Variants in CCNB3 observed in about 807,000 individuals in gnomAD.
The protein encoded by CCNB3 is G2/mitotic-specific cyclin-B3.
CCNB3 carries 12 observed loss-of-function variants against 68.0 expected under a neutral mutation model. The observed-to-expected ratio is 0.18, with a 90% confidence interval of 0.11 to 0.29. The LOEUF (loss-of-function observed/expected upper bound fraction) is 0.29. CCNB3 is among the 10% of genes least tolerant of loss of function. The pLI is 1.00. For missense variants in CCNB3, 904 were observed against 993.1 expected (o/e 0.91, Z 1.21); for synonymous variants, 354 against 388.9 (o/e 0.91, Z 1.06).
At chrX:50,279,740 G>C (rs1222954480) in intron 1 of CCNB3, among the ~76,000 whole-genome samples, 18 of 87,660 alleles carry the variant, frequency 2.1e-4, no homozygotes, top group African/African-American at 7.6e-4. Context: ...ATATGATTAT[G>C]TATATTCATA....
chrX:50,222,083 TGC>T (rs2146987401), intron 1 of CCNB3, among the ~76,000 whole-genome samples: 1 of 111,205 alleles, frequency 9.0e-6, no homozygotes, highest in South Asian at 3.9e-4. Flanking sequence ...AGACTAGGTT[TGC>T]AACCCCTGCT....
intron 7 of CCNB3, among the ~76,000 whole-genome samples, chrX:50,313,653 T>C (rs1921580733): frequency 1.8e-5 from 2 of 111,852 alleles, no homozygotes; most frequent in African/African-American, 6.5e-5. Context: ...TTCTTCAATA[T>C]CCACTCTGAC....
intron 8 of CCNB3, among the ~76,000 whole-genome samples, chrX:50,315,988 G>A (rs916264689): frequency 1.8e-5 from 2 of 111,040 alleles, no homozygotes; most frequent in African/African-American, 6.6e-5. Context: ...GATGTACCAC[G>A]GTAATATGGT....
In CCNB3 at chrX:50,294,934, G is replaced by T; in HGVS notation, c.276G>T (p.Lys92Asn). The T allele has an allele frequency of 8.3e-7, 1 of 1,209,611 alleles. No homozygotes were observed. The highest frequency in any genetic ancestry group is 1.1e-6 in the Non-Finnish European group (1 of 894,170). The change falls in exon 5 of 13, where the codon AAG becomes AAT. Residue 92 changes from lysine (K) to asparagine (N), a missense_variant. Coordinates refer to ENST00000376042, the MANE Select transcript of CCNB3 (RefSeq NM_033031.3). Reference protein sequence around the residue: ...NKEFVKVVSKKINRNTHALGL... With the variant: ...NKEFVKVVSKNINRNTHALGL... ...AGTTTGTAAAAGTTGTTTCCAAGAA[G>T]ATAAACAGGAACACACATGCTCTTG...
chrX:50,330,386 C>T (rs1922538044), intron 8 of CCNB3, among the ~76,000 whole-genome samples: 2 of 111,814 alleles, frequency 1.8e-5, no homozygotes, highest in African/African-American at 6.5e-5. Flanking sequence ...TTCACTTCTG[C>T]CTTTAACTCC....
At chrX:50,296,179 G>A (rs1447691916) in intron 5 of CCNB3, among the ~76,000 whole-genome samples, 1 of 107,295 alleles carries the variant, frequency 9.3e-6, no homozygotes, top group Non-Finnish European at 1.9e-5. Context: ...TGTGCACAAC[G>A]TGCAGGTTTG....
chrX:50,306,006 C>T (rs1921053676), intron 5 of CCNB3, among the ~76,000 whole-genome samples: 1 of 102,228 alleles, frequency 9.8e-6, no homozygotes, highest in Non-Finnish European at 2.0e-5. Context: ...AGGCTGGTCT[C>T]GAACTCCTGA....
intron 5 of CCNB3, among the ~76,000 whole-genome samples, chrX:50,303,613 AT>A (rs1288604652): frequency 1.8e-5 from 2 of 110,466 alleles, no homozygotes; most frequent in African/African-American, 6.6e-5. Context: ...TCTTTTGCCC[AT>A]TTTTTTATGC....
chrX:50,311,096 A>C lies in CCNB3; in HGVS notation c.2927A>C (p.Asn976Thr). ...GTCCCCCAAGTTGGAACCAGCCCAAATGTGTCTAGCACTGCCCCTGAATCC... is the reference window on the plus strand; with the variant it reads ...GTCCCCCAAGTTGGAACCAGCCCAACTGTGTCTAGCACTGCCCCTGAATCC... Reference protein sequence around the residue: ...LLVPQVGTSPNVSSTAPESIT... With the variant: ...LLVPQVGTSPTVSSTAPESIT... Residue 976 changes from asparagine (N) to threonine (T), a missense_variant, in exon 6 of 13, where the codon AAT becomes ACT. Physicochemically the swap from Asn to Thr is moderately conservative, Grantham distance 65 (BLOSUM62 0). Transcript: ENST00000376042. 1.7e-6 allele frequency: 2 copies of C among 1,210,282 alleles called. No homozygotes were observed.
chrX:50,346,402 T>C (rs1374221034), intron 9 of CCNB3, among the ~76,000 whole-genome samples: 5 of 111,708 alleles, frequency 4.5e-5, no homozygotes, highest in Non-Finnish European at 9.4e-5. Context: ...ACTGTAAGAA[T>C]CCACCCCCAG....
intron 1 of CCNB3, among the ~76,000 whole-genome samples, chrX:50,280,296 A>T (rs998463346): frequency 1.0e-5 from 1 of 97,508 alleles, no homozygotes; most frequent in Non-Finnish European, 2.0e-5. Context: ...TAGAATATAG[A>T]TATAAATATA....
At chrX:50,332,002 C>A (rs1922620321) in intron 8 of CCNB3, among the ~76,000 whole-genome samples, 1 of 111,432 alleles carries the variant, frequency 9.0e-6, no homozygotes, top group African/African-American at 3.3e-5. Flanking sequence ...GACACAAGAC[C>A]AGTATCCACA....
chrX:50,213,641 GA>G (rs1392853115), intron 1 of CCNB3, among the ~76,000 whole-genome samples: 4 of 111,302 alleles, frequency 3.6e-5, no homozygotes, highest in African/African-American at 1.3e-4. Context: ...TGGGCCTGGA[GA>G]TTTTTCTTTT....
intron 5 of CCNB3, among the ~76,000 whole-genome samples, chrX:50,298,873 G>A (rs972991416): frequency 8.9e-5 from 10 of 111,907 alleles, no homozygotes; most frequent in African/African-American, 3.2e-4. Flanking sequence ...GAGTGTATGT[G>A]TCGAAAAATT....
At chrX:50,292,866 G>A (rs1396829250) in intron 4 of CCNB3, among the ~76,000 whole-genome samples, 1 of 111,172 alleles carries the variant, frequency 9.0e-6, no homozygotes, top group Middle Eastern at 4.3e-3. Flanking sequence ...CTCATCTTAT[G>A]TCTCCTTTGT....
intron 8 of CCNB3, among the ~76,000 whole-genome samples, chrX:50,334,947 C>G (rs1922775976): frequency 8.9e-6 from 1 of 112,110 alleles, no homozygotes; most frequent in Non-Finnish European, 1.9e-5. Context: ...GCTCCCCTTT[C>G]TGAATAGTGA....
rs1557214412 is a variant in CCNB3 at position 50,310,038 on chromosome X, C to T, written c.1869C>T (p.Pro623=). 3 of 1,209,509 alleles carry T rather than the reference C, an allele frequency of 2.5e-6. No individual in the cohort carries two copies. The highest frequency in any genetic ancestry group is 3.5e-5 in the South Asian group (2 of 56,631). The change falls in exon 6 of 13, where the codon CCC becomes CCT. Residue 623 remains proline, a synonymous_variant. Coordinates refer to ENST00000376042, the MANE Select transcript of CCNB3 (RefSeq NM_033031.3). ...AGTCATTCTATAAGAAGCTGTTGCC[C>T]TTTAAGATGAAATCTACAACGGAAG... is the stretch of plus-strand genomic sequence containing the variant. ...EEESFYKKLL[P]FKMKSTTEEK...
chrX:50,350,248 TACACAC>T (rs35500925), intron 11 of CCNB3, among the ~76,000 whole-genome samples: 246 of 95,230 alleles, frequency 2.6e-3, no homozygotes, highest in African/African-American at 8.1e-3. Flanking sequence ...CATACACAAA[TACACAC>T]ACACACACAC....
At chrX:50,311,590 G>GT in intron 6 of CCNB3, 94 bp downstream of exon 6, 2 of 664,858 alleles carry the variant, frequency 3.0e-6, no homozygotes, top group African/African-American at 5.2e-5. Context: ...TTTTGTTTTT[G>GT]TTTTTTGTTG....
Sources: gnomAD v4.1 joint callset for allele counts (sites outside exome capture counted in the v4.1 genomes callset) on GRCh38, gnomAD v4.1.1 for gene constraint, MANE v1.5 for transcripts, NCBI Gene and HGNC (gene_info 2026-07-23, HGNC 2026-07-21) for gene names.